Variants in THSD7B observed in about 807,000 individuals in gnomAD.
The protein encoded by THSD7B is thrombospondin type 1 domain containing 7B, also known as thrombospondin type-1 domain-containing protein 7B.
Under a neutral mutation model 213.6 loss-of-function variants are expected in THSD7B, and 138 were observed. That is an observed-to-expected ratio of 0.65 (90% CI 0.56 to 0.74). The LOEUF (loss-of-function observed/expected upper bound fraction) is 0.74. Among genes scored for constraint, THSD7B ranks in the 30% least tolerant of loss-of-function variants. THSD7B has a pLI of 0.00. For synonymous variants in THSD7B, 742 were observed against 687.0 expected (o/e 1.08, Z -1.25); for missense variants, 1,931 against 1,991.5 (o/e 0.97, Z 0.58).
At chr2:136,846,635 G>A (rs946221214) in intron 1 of THSD7B, among the ~76,000 whole-genome samples, 6 of 151,920 alleles carry the variant, frequency 3.9e-5, no homozygotes, top group Admixed American at 2.0e-4. Context: ...GGCAACATGG[G>A]CATTATTATA....
At chr2:137,588,196 G>A (rs1681783443) in intron 17 of THSD7B, among the ~76,000 whole-genome samples, 1 of 152,190 alleles carries the variant, frequency 6.6e-6, no homozygotes. Flanking sequence ...TGCAATATTA[G>A]GGTGAGAGTG....
chr2:137,615,856 G>A (rs2104837793), intron 17 of THSD7B, among the ~76,000 whole-genome samples: 1 of 152,040 alleles, frequency 6.6e-6, no homozygotes, highest in East Asian at 1.9e-4. Context: ...AAAATATACG[G>A]ATCTCTTACA....
At chr2:137,087,137 CT>C (rs1687855901) in intron 3 of THSD7B, among the ~76,000 whole-genome samples, 2 of 151,872 alleles carry the variant, frequency 1.3e-5, no homozygotes, top group South Asian at 4.2e-4. Context: ...TGAGGAAGAT[CT>C]TTTCCAGAGC....
intron 2 of THSD7B, among the ~76,000 whole-genome samples, chr2:136,986,929 C>T (rs768886513): frequency 2.6e-5 from 4 of 152,154 alleles, no homozygotes; most frequent in Non-Finnish European, 5.9e-5. Flanking sequence ...TAGTGAGTTT[C>T]GGGAATAACT....
chr2:137,428,657 C>A (rs188053611), intron 14 of THSD7B, among the ~76,000 whole-genome samples: 2 of 152,180 alleles, frequency 1.3e-5, no homozygotes. Context: ...GAATCTTGAC[C>A]TCACTATACT....
chr2:137,225,460 A>G (rs1300791633), intron 7 of THSD7B, among the ~76,000 whole-genome samples: 1 of 152,324 alleles, frequency 6.6e-6, no homozygotes, highest in East Asian at 1.9e-4. Context: ...TGAGATATGA[A>G]CCAGAAAGCA....
intron 2 of THSD7B, among the ~76,000 whole-genome samples, chr2:137,000,668 C>A (rs1362374515): frequency 6.6e-6 from 1 of 152,010 alleles, no homozygotes; most frequent in Non-Finnish European, 1.5e-5. Flanking sequence ...AATCCGATTG[C>A]ATTAAGGAAT....
At chr2:137,062,332 T>A (rs1687292411) in intron 3 of THSD7B, among the ~76,000 whole-genome samples, 1 of 151,608 alleles carries the variant, frequency 6.6e-6, no homozygotes, top group Non-Finnish European at 1.5e-5. Context: ...TCTAATTTCA[T>A]TGATTTTGAC....
intron 12 of THSD7B, among the ~76,000 whole-genome samples, chr2:137,360,325 T>G (rs1049718717): frequency 6.6e-6 from 1 of 152,072 alleles, no homozygotes; most frequent in Non-Finnish European, 1.5e-5. Flanking sequence ...GATTTCTGCA[T>G]TTCCAACTGA....
At chr2:137,162,252 G>A (rs547772987) in intron 6 of THSD7B, among the ~76,000 whole-genome samples, 1 of 152,248 alleles carries the variant, frequency 6.6e-6, no homozygotes, top group Non-Finnish European at 1.5e-5. Flanking sequence ...TCCATCTCTT[G>A]TGTCTGCTTT....
intron 15 of THSD7B, among the ~76,000 whole-genome samples, chr2:137,475,359 C>T (rs548321245): frequency 1.8e-4 from 28 of 152,204 alleles, no homozygotes; most frequent in Non-Finnish European, 3.5e-4. Flanking sequence ...TCTCTTCTAG[C>T]TTTTTTTGAA....
At chr2:136,966,281 G>C (rs1281218136) in intron 2 of THSD7B, among the ~76,000 whole-genome samples, 3 of 151,740 alleles carry the variant, frequency 2.0e-5, no homozygotes, top group Non-Finnish European at 4.4e-5. Context: ...ACCGTGGCAT[G>C]ATTTTGGCTC....
intron 1 of THSD7B, among the ~76,000 whole-genome samples, chr2:136,784,248 CA>C (rs1406216429): frequency 1.3e-5 from 2 of 152,144 alleles, no homozygotes; most frequent in African/African-American, 2.4e-5. Flanking sequence ...CAGGGCAAAA[CA>C]AAAGTAATCA....
intron 12 of THSD7B, among the ~76,000 whole-genome samples, chr2:137,309,218 T>C (rs1683828981): frequency 6.6e-6 from 1 of 152,050 alleles, no homozygotes; most frequent in African/African-American, 2.4e-5. Context: ...ATTTTTGTAC[T>C]TGAATTTCTT....
At chr2:137,381,078 G>C (rs966408953) in intron 12 of THSD7B, among the ~76,000 whole-genome samples, 2 of 152,204 alleles carry the variant, frequency 1.3e-5, no homozygotes, top group Non-Finnish European at 2.9e-5. Context: ...AACTCAGTTA[G>C]AACCTGACAA....
At chr2:137,085,496 T>C (rs952748432) in intron 3 of THSD7B, among the ~76,000 whole-genome samples, 2 of 151,960 alleles carry the variant, frequency 1.3e-5, no homozygotes, top group Non-Finnish European at 2.9e-5. Flanking sequence ...TTAAAAGGAA[T>C]AATTAAGAAA....
chr2:137,134,301 AT>A (rs1411665117), intron 5 of THSD7B, among the ~76,000 whole-genome samples: 1 of 151,840 alleles, frequency 6.6e-6, no homozygotes, highest in Non-Finnish European at 1.5e-5. Context: ...CTGAGTTTTA[AT>A]TTTTTTTCAT....
chr2:136,815,548 G>A (rs1276858021), intron 1 of THSD7B, among the ~76,000 whole-genome samples: 1 of 151,980 alleles, frequency 6.6e-6, no homozygotes, highest in Non-Finnish European at 1.5e-5. Context: ...CCCTTGATAG[G>A]TATTCATTTT....
intron 5 of THSD7B, among the ~76,000 whole-genome samples, chr2:137,134,350 C>G (rs1688793598): frequency 6.6e-6 from 1 of 152,094 alleles, no homozygotes; most frequent in Non-Finnish European, 1.5e-5. Context: ...AAGCCTTTAG[C>G]ACAGTTGATT....
Sources: allele counts gnomAD v4.1 joint callset (sites outside exome capture counted in the v4.1 genomes callset), GRCh38; gene constraint gnomAD v4.1.1; transcripts MANE v1.5; gene names NCBI Gene and HGNC (gene_info 2026-07-23, HGNC 2026-07-21).